Variants in PIBF1 observed in about 807,000 individuals in gnomAD.
PIBF1 encodes the protein progesterone-induced-blocking factor 1.
PIBF1 carries 90 observed loss-of-function variants against 112.5 expected under a neutral mutation model. The observed-to-expected ratio is 0.80, with a 90% confidence interval of 0.67 to 0.95. The LOEUF (loss-of-function observed/expected upper bound fraction) is 0.95. Ranked by LOEUF, PIBF1 falls within the 40% of genes least tolerant of loss-of-function variation. The probability of loss-of-function intolerance (pLI) is 0.00; values close to 1 mark genes in which losing one functional copy is unlikely to be tolerated. For missense variants in PIBF1, 915 were observed against 852.3 expected, an observed-to-expected ratio of 1.07 and a Z score of -0.92; for synonymous variants, 301 against 288.6, an observed-to-expected ratio of 1.04 and a Z score of -0.44.
At chr13:72,905,228 C>T (rs907439052) in intron 11 of PIBF1, among the ~76,000 whole-genome samples, 7 of 151,954 alleles carry the variant, frequency 4.6e-5, no homozygotes, top group Admixed American at 1.3e-4. Context: ...CCACAACACC[C>T]GGCTAATTTT....
intron 11 of PIBF1, among the ~76,000 whole-genome samples, chr13:72,896,182 C>T (rs975948779): frequency 1.3e-5 from 2 of 152,120 alleles, no homozygotes; most frequent in African/African-American, 2.4e-5. Context: ...CACTGGGTAG[C>T]TATACCCAGA....
chr13:72,892,760 T>TCCCA (rs1465849079), intron 10 of PIBF1, among the ~76,000 whole-genome samples: 2 of 145,066 alleles, frequency 1.4e-5, no homozygotes, highest in African/African-American at 5.1e-5. Flanking sequence ...CTAGAATACT[T>TCCCA]CCCACCCCTT....
intron 11 of PIBF1, among the ~76,000 whole-genome samples, chr13:72,895,860 G>A (rs1265544245): frequency 6.6e-6 from 1 of 152,076 alleles, no homozygotes; most frequent in Non-Finnish European, 1.5e-5. Flanking sequence ...TCTGGGAGGT[G>A]GAAAGCCTCG....
chr13:72,798,612 A>C (rs1211351885), intron 5 of PIBF1, among the ~76,000 whole-genome samples: 1 of 152,204 alleles, frequency 6.6e-6, no homozygotes, highest in Non-Finnish European at 1.5e-5. Flanking sequence ...TAGTAATCAT[A>C]AATCAACATT....
chr13:72,981,891 C>G (rs1481014127), intron 16 of PIBF1, among the ~76,000 whole-genome samples: 2 of 152,146 alleles, frequency 1.3e-5, no homozygotes, highest in African/African-American at 4.8e-5. Context: ...TTTTGAAATA[C>G]TATGGAAAAA....
chr13:73,008,851 A>C (rs2044115328), intron 17 of PIBF1, among the ~76,000 whole-genome samples: 1 of 152,228 alleles, frequency 6.6e-6, no homozygotes, highest in Non-Finnish European at 1.5e-5. Context: ...ACTTCCCTGC[A>C]TGCTGAAGAT....
chr13:72,864,262 GTCTTT>G (rs2038828822), intron 10 of PIBF1, among the ~76,000 whole-genome samples: 1 of 152,140 alleles, frequency 6.6e-6, no homozygotes. Flanking sequence ...GTGTTCCATG[GTCTTT>G]TCTAAGTCTA....
intron 14 of PIBF1, among the ~76,000 whole-genome samples, chr13:72,951,974 G>A (rs1266365176): frequency 6.6e-6 from 1 of 151,542 alleles, no homozygotes; most frequent in Non-Finnish European, 1.5e-5. Flanking sequence ...GCCTCCCCAG[G>A]TGCATGAGCC....
chr13:72,890,588 A>C (rs888078733), intron 10 of PIBF1, among the ~76,000 whole-genome samples: 1 of 152,184 alleles, frequency 6.6e-6, no homozygotes, highest in African/African-American at 2.4e-5. Flanking sequence ...GAATAGGTGG[A>C]GATTCTCTGT....
intron 2 of PIBF1, 47 bp from the exon 3 acceptor site, chr13:72,792,398 GTT>G: frequency 2.6e-6 from 3 of 1,162,394 alleles, no homozygotes; most frequent in East Asian, 2.5e-5. Context: ...GAAACTGAAA[GTT>G]TTTCTTTATG....
At chr13:72,813,158 A>C (rs2036101151) in intron 5 of PIBF1, among the ~76,000 whole-genome samples, 1 of 152,130 alleles carries the variant, frequency 6.6e-6, no homozygotes, top group South Asian at 2.1e-4. Context: ...ATGAACTCCT[A>C]CTTATTTTAC....
At chr13:72,995,827 G>A (rs769055289) in intron 16 of PIBF1, among the ~76,000 whole-genome samples, 2 of 151,836 alleles carry the variant, frequency 1.3e-5, no homozygotes, top group East Asian at 3.9e-4. Flanking sequence ...GTGGGTGCTT[G>A]TAATCCTAGC....
intron 6 of PIBF1, among the ~76,000 whole-genome samples, chr13:72,825,072 G>A (rs181547447): frequency 1.3e-5 from 2 of 152,112 alleles, no homozygotes; most frequent in African/African-American, 4.8e-5. Flanking sequence ...AAATCTTCAA[G>A]GTTAAAGGAG....
intron 10 of PIBF1, among the ~76,000 whole-genome samples, chr13:72,890,187 T>G (rs1390181630): frequency 6.6e-6 from 1 of 152,172 alleles, no homozygotes; most frequent in Non-Finnish European, 1.5e-5. Flanking sequence ...AGTACTTTTA[T>G]TACCAAATAT....
intron 11 of PIBF1, chr13:72,901,128 A>G (rs1566425064): frequency 4.7e-6 from 2 of 428,296 alleles, no homozygotes; most frequent in Middle Eastern, 3.4e-4. Flanking sequence ...TAAACAGACA[A>G]CCCACAAAGT....
intron 2 of PIBF1, among the ~76,000 whole-genome samples, chr13:72,786,478 C>T (rs75032719): frequency 0.11 from 16,766 of 152,166 alleles, 1,272 homozygotes; most frequent in Non-Finnish European, 0.17. Flanking sequence ...TTTTAGTTCT[C>T]ATCTCTTTTT....
intron 16 of PIBF1, among the ~76,000 whole-genome samples, chr13:72,985,281 A>G (rs1298260240): frequency 2.0e-5 from 3 of 149,644 alleles, no homozygotes; most frequent in Non-Finnish European, 4.4e-5. Flanking sequence ...TAATCCCAAC[A>G]CTTCGGGAGG....
intron 10 of PIBF1, among the ~76,000 whole-genome samples, chr13:72,872,796 C>T (rs569672258): frequency 9.9e-5 from 15 of 152,082 alleles, no homozygotes; most frequent in African/African-American, 2.2e-4. Context: ...TGTATGTTAG[C>T]GCTATACATT....
At chr13:72,939,154 A>G (rs551026321) in intron 14 of PIBF1, among the ~76,000 whole-genome samples, 10 of 152,336 alleles carry the variant, frequency 6.6e-5, no homozygotes, top group African/African-American at 1.2e-4. Context: ...TCAAGGCACA[A>G]AAGTCTTTAA....
Sources: allele counts gnomAD v4.1 joint callset (sites outside exome capture counted in the v4.1 genomes callset), GRCh38; gene constraint gnomAD v4.1.1; transcripts MANE v1.5; gene names NCBI Gene and HGNC (gene_info 2026-07-23, HGNC 2026-07-21).